EMSY: variants seen among roughly 807,000 people sequenced by gnomAD.
EMSY encodes the protein EMSY transcriptional repressor, BRCA2 interacting, also known as BRCA2-interacting transcriptional repressor EMSY.
A neutral mutation model predicts 134.6 loss-of-function variants in EMSY; 26 were observed. That is an observed-to-expected ratio of 0.19 (90% CI 0.14 to 0.27). EMSY has a LOEUF of 0.27. EMSY is among the 10% of genes least tolerant of loss of function. EMSY has a pLI of 1.00. For missense variants in EMSY, 1,305 were observed against 1,611.4 expected, an observed-to-expected ratio of 0.81 and a Z score of 3.26; for synonymous variants, 579 against 577.8, an observed-to-expected ratio of 1.00 and a Z score of -0.03.
At chr11:76,467,040 A>G (rs1948380647) in intron 7 of EMSY, among the ~76,000 whole-genome samples, 1 of 152,240 alleles carries the variant, frequency 6.6e-6, no homozygotes, top group South Asian at 2.1e-4. Flanking sequence ...AAATGAATTC[A>G]TCAGTTCATT....
intron 7 of EMSY, among the ~76,000 whole-genome samples, chr11:76,464,457 T>G (rs1472587931): frequency 2.0e-5 from 3 of 152,232 alleles, no homozygotes; most frequent in Admixed American, 2.0e-4. Flanking sequence ...AGTTGTCAGG[T>G]GTTTCATAGA....
chr11:76,447,085 A>G (rs988462104), intron 2 of EMSY, 77 bp downstream of exon 2: 25 of 1,340,594 alleles, frequency 1.9e-5, no homozygotes, highest in Non-Finnish European at 2.6e-5. Context: ...AGCTGTTTGC[A>G]TGGATGTCAT....
intron 17 of EMSY, among the ~76,000 whole-genome samples, chr11:76,541,742 T>C (rs573166366): frequency 5.9e-5 from 9 of 152,360 alleles, no homozygotes; most frequent in South Asian, 4.1e-4. Flanking sequence ...ATGCTACTAA[T>C]GTTTTTATTG....
At chr11:76,535,975 A>C in exon 15 of EMSY, 1 of 1,605,696 alleles carries the variant, frequency 6.2e-7, no homozygotes, top group Non-Finnish European at 8.5e-7. Flanking sequence ...GACTAGCCCT[A>C]CCATAATTTA....
chr11:76,509,458 A>T (rs892188941), intron 9 of EMSY, among the ~76,000 whole-genome samples: 6 of 152,244 alleles, frequency 3.9e-5, no homozygotes, highest in Admixed American at 3.9e-4. Context: ...GCACCACTGC[A>T]CTCCAGCCTG....
At chr11:76,515,211 G>T (rs111801049) in intron 10 of EMSY, among the ~76,000 whole-genome samples, 18 of 150,764 alleles carry the variant, frequency 1.2e-4, no homozygotes, top group African/African-American at 4.4e-4. Flanking sequence ...TTTTTTGGGG[G>T]GGGGGAGGAG....
At chr11:76,531,789 C>T (rs773554638) in intron 14 of EMSY, among the ~76,000 whole-genome samples, 2 of 152,128 alleles carry the variant, frequency 1.3e-5, no homozygotes, top group Non-Finnish European at 2.9e-5. Context: ...AGTTGGCATT[C>T]CACTATAAGG....
intron 2 of EMSY, 66 bp downstream of exon 2, chr11:76,447,074 T>G (rs1256253789): frequency 6.8e-7 from 1 of 1,474,874 alleles, no homozygotes; most frequent in Non-Finnish European, 9.4e-7. Flanking sequence ...GCCTAGGTCA[T>G]AGCTGTTTGC....
At chr11:76,521,757 G>A (rs1229153933) in intron 11 of EMSY, among the ~76,000 whole-genome samples, 1 of 140,570 alleles carries the variant, frequency 7.1e-6, no homozygotes, top group Non-Finnish European at 1.5e-5. Context: ...GTGAGACCCT[G>A]TTTCTCTTAA....
chr11:76,524,245 G>C (rs1366291193), intron 12 of EMSY, among the ~76,000 whole-genome samples: 1 of 152,130 alleles, frequency 6.6e-6, no homozygotes, highest in Non-Finnish European at 1.5e-5. Flanking sequence ...CAGTGAGGTT[G>C]TTTAGTAACT....
exon 20 of EMSY, chr11:76,546,271 G>C (rs1951648183): frequency 6.2e-7 from 1 of 1,612,662 alleles, no homozygotes; most frequent in Non-Finnish European, 8.5e-7. Flanking sequence ...GAAAGCTGAA[G>C]AGAGTCCAGC....
chr11:76,462,415 C>A (rs900933528), intron 6 of EMSY, among the ~76,000 whole-genome samples: 4 of 152,164 alleles, frequency 2.6e-5, no homozygotes, highest in Non-Finnish European at 4.4e-5. Context: ...TTTGTATGTG[C>A]AAGGCACTAT....
rs1343200443 is a variant in EMSY, at chr11:76,483,579, CA to C, written c.1108+10747del. 2.7e-5 allele frequency among the ~76,000 whole-genome samples: 4 copies of C among 150,804 alleles called. No homozygotes were observed. The East Asian group carries it at 7.8e-4, about 29-fold the overall frequency. Reference sequence around the variant, plus strand: ...GAATATTTACCAAGCAAATGGAAAGCAAAAAAAAGCAAGGATTGCAATCCTA... The same window carrying C: ...GAATATTTACCAAGCAAATGGAAAGCAAAAAAAGCAAGGATTGCAATCCTA... On this transcript the variant is annotated intron_variant, in intron 8 of 20. Transcript: ENST00000334736.
intron 1 of EMSY, 129 bp downstream of exon 1, chr11:76,445,257 C>T (rs1947329016): frequency 6.5e-6 from 1 of 153,382 alleles, no homozygotes; most frequent in Non-Finnish European, 1.5e-5. Context: ...CTAACGGGAT[C>T]GTGGGGCTCC....
chr11:76,531,059 GC>G (rs1268465118), intron 14 of EMSY, among the ~76,000 whole-genome samples: 4 of 151,960 alleles, frequency 2.6e-5, no homozygotes, highest in African/African-American at 7.2e-5. Flanking sequence ...TTGATTCTCT[GC>G]CCCCCTTCTG....
At chr11:76,494,128 G>A (rs566962580) in intron 8 of EMSY, among the ~76,000 whole-genome samples, 65 of 152,354 alleles carry the variant, frequency 4.3e-4, no homozygotes, top group Admixed American at 2.5e-3. Context: ...GGAGCTGCCC[G>A]CCCCACTGCA....
intron 11 of EMSY, 127 bp from the exon 13 acceptor site, chr11:76,523,028 C>A: frequency 1.1e-6 from 1 of 910,996 alleles, no homozygotes; most frequent in Non-Finnish European, 1.6e-6. Context: ...TTTTCATCAT[C>A]TTGACAGCTT....
intron 3 of EMSY, 47 bp downstream of exon 3, chr11:76,452,004 G>A: frequency 8.0e-7 from 1 of 1,253,214 alleles, no homozygotes; most frequent in Non-Finnish European, 1.1e-6. Context: ...TTCATTTTGG[G>A]GGATTTTATT....
intron 10 of EMSY, among the ~76,000 whole-genome samples, chr11:76,514,892 A>G (rs926006375): frequency 1.3e-5 from 2 of 152,172 alleles, no homozygotes; most frequent in Admixed American, 6.5e-5. Flanking sequence ...TGTTATGCAT[A>G]TATGATTCTT....
Sources: gnomAD v4.1 joint callset for allele counts (sites outside exome capture counted in the v4.1 genomes callset) on GRCh38, gnomAD v4.1.1 for gene constraint, MANE v1.5 for transcripts, NCBI Gene and HGNC (gene_info 2026-07-23, HGNC 2026-07-21) for gene names.